The following RAB3C variants were observed in gnomAD, a reference collection of about 807,000 sequenced individuals.
The protein encoded by RAB3C is ras-related protein Rab-3C.
In RAB3C, 17 loss-of-function variants were observed where a neutral mutation model predicts 26.4. The observed-to-expected ratio is 0.64, with a 90% confidence interval of 0.44 to 0.97. RAB3C has a LOEUF of 0.97. Ranked by LOEUF, RAB3C falls within the 50% of genes least tolerant of loss-of-function variation. RAB3C has a pLI of 0.00. For missense variants in RAB3C, 242 were observed against 281.9 expected, an observed-to-expected ratio of 0.86 and a Z score of 1.01; for synonymous variants, 91 against 95.9, an observed-to-expected ratio of 0.95 and a Z score of 0.30.
intron 3 of RAB3C, among the ~76,000 whole-genome samples, chr5:58,792,912 T>A (rs1742561625): frequency 6.6e-6 from 1 of 152,132 alleles, no homozygotes; most frequent in Non-Finnish European, 1.5e-5. Flanking sequence ...AAGAAAAGAT[T>A]TTTTGAGGGC....
At chr5:58,663,530 C>A (rs1747945767) in intron 2 of RAB3C, among the ~76,000 whole-genome samples, 1 of 150,154 alleles carries the variant, frequency 6.7e-6, no homozygotes, top group Non-Finnish European at 1.5e-5. Context: ...TAACTAAATT[C>A]ATTTGGATGA....
chr5:58,704,297 A>G (rs1197815879), intron 2 of RAB3C, among the ~76,000 whole-genome samples: 1 of 152,218 alleles, frequency 6.6e-6, no homozygotes, highest in Non-Finnish European at 1.5e-5. Flanking sequence ...CAGAGCCATG[A>G]AATCTCCTTT....
intron 2 of RAB3C, among the ~76,000 whole-genome samples, chr5:58,693,392 G>T (rs1270448734): frequency 7.3e-6 from 1 of 137,180 alleles, no homozygotes; most frequent in Non-Finnish European, 1.5e-5. Flanking sequence ...AATTCACCTG[G>T]ACTGGGAATT....
chr5:58,764,353 GC>G (rs1561123078), intron 3 of RAB3C, among the ~76,000 whole-genome samples: 1 of 152,178 alleles, frequency 6.6e-6, no homozygotes, highest in African/African-American at 2.4e-5. Flanking sequence ...CATTTAGAAA[GC>G]AGTATGAACA....
chr5:58,726,418 A>G (rs983736243), intron 3 of RAB3C, among the ~76,000 whole-genome samples: 5 of 151,974 alleles, frequency 3.3e-5, no homozygotes, highest in Non-Finnish European at 7.4e-5. Context: ...AATATAAATA[A>G]CGAATGGTTT....
chr5:58,824,356 T>C (rs1743425789), intron 3 of RAB3C, among the ~76,000 whole-genome samples: 2 of 152,316 alleles, frequency 1.3e-5, no homozygotes, highest in South Asian at 2.1e-4. Flanking sequence ...ATTTGTGTCA[T>C]GAATCATACT....
Position 58,699,220 on chromosome 5 carries a change from C to T in RAB3C, c.253-26782C>T, listed in dbSNP as rs573562507. Among the ~76,000 whole-genome samples, 3 of 152,278 alleles carry T rather than the reference C, an allele frequency of 2.0e-5. No individual in the cohort carries two copies. In the South Asian group the frequency reaches 6.2e-4, roughly 32 times the overall value. ...AGGTCTGTTGGAGTTTGCTGGAGTT[C>T]CACTCCAGACCCTGTTTGCCTGGGT... is the stretch of plus-strand genomic sequence containing the variant. On this transcript the variant is annotated intron_variant, in intron 2 of 4. Coordinates refer to ENST00000282878, the MANE Select transcript of RAB3C (RefSeq NM_138453.4).
intron 2 of RAB3C, among the ~76,000 whole-genome samples, chr5:58,623,642 T>TAGG (rs1746980528): frequency 6.6e-6 from 1 of 152,242 alleles, no homozygotes; most frequent in Non-Finnish European, 1.5e-5. Flanking sequence ...CAGGAGCTCC[T>TAGG]ACATCCCACT....
At chr5:58,743,441 A>G (rs1351566476) in intron 3 of RAB3C, among the ~76,000 whole-genome samples, 1 of 151,986 alleles carries the variant, frequency 6.6e-6, no homozygotes, top group African/African-American at 2.4e-5. Flanking sequence ...ACATGTGCAG[A>G]ATGTGCAGGT....
intron 4 of RAB3C, among the ~76,000 whole-genome samples, chr5:58,832,018 G>A (rs1310784614): frequency 1.3e-5 from 2 of 152,138 alleles, no homozygotes; most frequent in African/African-American, 4.8e-5. Flanking sequence ...GAGAACCACT[G>A]ATTTACAGAA....
At chr5:58,773,476 G>A (rs1012475395) in intron 3 of RAB3C, among the ~76,000 whole-genome samples, 3 of 152,116 alleles carry the variant, frequency 2.0e-5, no homozygotes, top group East Asian at 1.9e-4. Flanking sequence ...AATGTCTAAC[G>A]GATAGCAAAG....
intron 2 of RAB3C, among the ~76,000 whole-genome samples, chr5:58,640,346 A>G (rs78848309): frequency 6.6e-6 from 1 of 152,330 alleles, no homozygotes; most frequent in East Asian, 1.9e-4. Context: ...GTAAAGTAGG[A>G]TAGCCTTCCC....
In RAB3C at chr5:58,795,342, A is replaced by G. The variant is rs574394229; in HGVS notation, c.372-29696A>G. ...CGGACTAATATACTTATAGAATACT[A>G]TGGGTTTCCCACTCTGAAAGACAGC... is the stretch of plus-strand genomic sequence containing the variant. On this transcript the variant is annotated intron_variant, in intron 3 of 4. Transcript: ENST00000282878. Among the ~76,000 whole-genome samples the G allele has an allele frequency of 9.9e-5, 15 of 152,280 alleles. No homozygotes were observed. In the South Asian group the frequency reaches 2.7e-3, roughly 27 times the overall value.
intron 4 of RAB3C, among the ~76,000 whole-genome samples, chr5:58,836,081 C>T (rs1743740488): frequency 6.6e-6 from 1 of 152,010 alleles, no homozygotes; most frequent in Admixed American, 6.6e-5. Flanking sequence ...TCATGCTCTG[C>T]GAAATGTAAA....
At chr5:58,713,342 G>T (rs887440674) in intron 2 of RAB3C, among the ~76,000 whole-genome samples, 1 of 152,060 alleles carries the variant, frequency 6.6e-6, no homozygotes, top group Non-Finnish European at 1.5e-5. Context: ...TAGAAATCTG[G>T]GCTTTTGTGT....
chr5:58,692,039 G>C (rs1748580076), intron 2 of RAB3C, among the ~76,000 whole-genome samples: 1 of 152,190 alleles, frequency 6.6e-6, no homozygotes, highest in African/African-American at 2.4e-5. Context: ...ACCCAAGGAT[G>C]AGTAAGCCTG....
intron 1 of RAB3C, among the ~76,000 whole-genome samples, chr5:58,592,858 C>T (rs1746168833): frequency 6.6e-6 from 1 of 151,986 alleles, no homozygotes; most frequent in African/African-American, 2.4e-5. Context: ...TGAGTTTAAA[C>T]AATTTGACTA....
intron 2 of RAB3C, among the ~76,000 whole-genome samples, chr5:58,680,178 TA>T (rs1005646434): frequency 2.6e-5 from 4 of 151,860 alleles, no homozygotes; most frequent in Non-Finnish European, 4.4e-5. Flanking sequence ...GTTTCCCTTT[TA>T]AAAAAAATGA....
chr5:58,764,144 G>T (rs1250635222), intron 3 of RAB3C, among the ~76,000 whole-genome samples: 1 of 152,150 alleles, frequency 6.6e-6, no homozygotes, highest in Non-Finnish European at 1.5e-5. Flanking sequence ...GTGCTGTAAG[G>T]ATGCAGAAGT....
Sources: allele counts gnomAD v4.1 joint callset (sites outside exome capture counted in the v4.1 genomes callset), GRCh38; gene constraint gnomAD v4.1.1; transcripts MANE v1.5; gene names NCBI Gene and HGNC (gene_info 2026-07-23, HGNC 2026-07-21).